GALNT17: variants seen among roughly 807,000 people sequenced by gnomAD.
GALNT17 encodes UDP-GalNAc:polypeptide N-acetylgalactosaminyltransferase-like 3.
A neutral mutation model predicts 63.7 loss-of-function variants in GALNT17; 29 were observed. The ratio of observed to expected loss-of-function variants is 0.46; its 90% CI spans 0.34 to 0.62. The LOEUF is 0.62. Among genes scored for constraint, GALNT17 ranks in the 20% least tolerant of loss-of-function variants. The pLI, the probability that GALNT17 is intolerant of heterozygous loss-of-function variation, is 0.01. For synonymous variants in GALNT17, 305 were observed against 318.3 expected (o/e 0.96, Z 0.45); for missense variants, 603 against 799.6 (o/e 0.75, Z 2.97).
intron 5 of GALNT17, among the ~76,000 whole-genome samples, chr7:71,525,637 T>A (rs1788611519): frequency 6.6e-6 from 1 of 151,800 alleles, no homozygotes; most frequent in Non-Finnish European, 1.5e-5. Flanking sequence ...TCTGTCATAA[T>A]CATGAGGTCT....
intron 3 of GALNT17, among the ~76,000 whole-genome samples, chr7:71,393,632 C>T (rs1308538617): frequency 6.6e-6 from 1 of 151,968 alleles, no homozygotes; most frequent in East Asian, 1.9e-4. Flanking sequence ...TCACTAAGCT[C>T]TGGTCAAGAT....
intron 5 of GALNT17, among the ~76,000 whole-genome samples, chr7:71,468,022 G>A (rs760172859): frequency 2.0e-5 from 3 of 152,030 alleles, no homozygotes; most frequent in Non-Finnish European, 2.9e-5. Flanking sequence ...TTCTTTTCTC[G>A]TTATTTTAAT....
chr7:71,544,448 T>A (rs1003180724), intron 5 of GALNT17, among the ~76,000 whole-genome samples: 2 of 152,050 alleles, frequency 1.3e-5, no homozygotes, highest in African/African-American at 4.8e-5. Context: ...GGCCAAGGCA[T>A]GATTTCACGC....
intron 6 of GALNT17, among the ~76,000 whole-genome samples, chr7:71,612,019 G>A (rs916772869): frequency 1.3e-5 from 2 of 152,202 alleles, no homozygotes; most frequent in Non-Finnish European, 2.9e-5. Flanking sequence ...CTTGGTTGAA[G>A]CAATCGGCAT....
chr7:71,142,376 C>T (rs916491009), intron 1 of GALNT17, among the ~76,000 whole-genome samples: 1 of 152,184 alleles, frequency 6.6e-6, no homozygotes, highest in Admixed American at 6.5e-5. Flanking sequence ...TCTTCCTTCT[C>T]CTGCCATCCC....
intron 5 of GALNT17, among the ~76,000 whole-genome samples, chr7:71,501,727 G>C (rs749601823): frequency 4.6e-5 from 7 of 152,122 alleles, no homozygotes; most frequent in Non-Finnish European, 8.8e-5. Context: ...TCTGGCCATG[G>C]TTAAGGAAAT....
intron 6 of GALNT17, among the ~76,000 whole-genome samples, chr7:71,577,319 C>G (rs190124819): frequency 1.2e-4 from 18 of 152,272 alleles, no homozygotes; most frequent in Admixed American, 1.1e-3. Context: ...GCATCACACA[C>G]AACACCCATG....
Position 71,386,655 on chromosome 7 carries a change from G to C in GALNT17, c.423-1580G>C, listed in dbSNP as rs140630672. ...GCTCTATGCTCTGGAGTCCATACTG[G>C]ATGAGAGGAATTCTTCCCTTTAATC... On this transcript the variant is annotated intron_variant, in intron 2 of 10. Transcript: ENST00000333538. Among the ~76,000 whole-genome samples, 23 of 152,262 alleles carry C rather than the reference G, an allele frequency of 1.5e-4. No individual in the cohort carries two copies. In the East Asian group the frequency reaches 4.3e-3, roughly 28 times the overall value.
At chr7:71,181,248 C>A (rs1031033072) in intron 1 of GALNT17, among the ~76,000 whole-genome samples, 1 of 143,390 alleles carries the variant, frequency 7.0e-6, no homozygotes, top group Non-Finnish European at 1.5e-5. Context: ...GAGCAAGACT[C>A]GTCTTAAAAA....
rs996905277 is a variant in GALNT17 at position 71,613,751 on chromosome 7, C to T, written c.1080+42349C>T. Reference sequence around the variant, plus strand: ...AGAGGATTACTTGAGCCCAGGAGTTCGAGACCAGCTTGGGAAACATAGCGA... The same window carrying T: ...AGAGGATTACTTGAGCCCAGGAGTTTGAGACCAGCTTGGGAAACATAGCGA... On this transcript the variant is annotated intron_variant, in intron 6 of 10. Transcript: ENST00000333538. Among the ~76,000 whole-genome samples the T allele has an allele frequency of 2.7e-5, 4 of 150,626 alleles. No individual in the cohort carries two copies. In the East Asian group the frequency reaches 5.8e-4, roughly 22 times the overall value.
chr7:71,183,214 T>C (rs1195192492), intron 1 of GALNT17, among the ~76,000 whole-genome samples: 3 of 152,124 alleles, frequency 2.0e-5, no homozygotes, highest in Non-Finnish European at 4.4e-5. Flanking sequence ...ACATTCACTG[T>C]CTAGCTGGGC....
At chr7:71,313,394 G>A (rs1352996647) in intron 1 of GALNT17, among the ~76,000 whole-genome samples, 2 of 152,116 alleles carry the variant, frequency 1.3e-5, no homozygotes, top group Non-Finnish European at 2.9e-5. Context: ...CTGAGTGTTG[G>A]CAATGACACT....
At chr7:71,164,719 AG>A (rs1788406525) in intron 1 of GALNT17, among the ~76,000 whole-genome samples, 1 of 152,184 alleles carries the variant, frequency 6.6e-6, no homozygotes, top group Non-Finnish European at 1.5e-5. Context: ...GCATGTGACA[AG>A]GTACTTATTT....
intron 1 of GALNT17, among the ~76,000 whole-genome samples, chr7:71,250,305 A>G (rs1790173431): frequency 6.6e-6 from 1 of 152,212 alleles, no homozygotes; most frequent in African/African-American, 2.4e-5. Context: ...TTAAAAAATA[A>G]TGTATAATTT....
At chr7:71,162,876 A>G (rs1788373770) in intron 1 of GALNT17, among the ~76,000 whole-genome samples, 1 of 152,174 alleles carries the variant, frequency 6.6e-6, no homozygotes, top group Admixed American at 6.5e-5. Context: ...GGAGAGGCTT[A>G]GGAGGGTTTT....
At chr7:71,614,900 G>A (rs1790178299) in intron 6 of GALNT17, among the ~76,000 whole-genome samples, 1 of 137,422 alleles carries the variant, frequency 7.3e-6, no homozygotes, top group Non-Finnish European at 1.6e-5. Flanking sequence ...AGGGAGGGAG[G>A]GAGGGAGGAA....
intron 1 of GALNT17, among the ~76,000 whole-genome samples, chr7:71,179,002 A>G (rs550185919): frequency 9.2e-5 from 14 of 152,226 alleles, no homozygotes; most frequent in African/African-American, 2.2e-4. Context: ...ATTCCTTTCA[A>G]TGGATTTTTA....
intron 1 of GALNT17, among the ~76,000 whole-genome samples, chr7:71,246,117 T>G (rs1319411814): frequency 4.2e-5 from 2 of 48,062 alleles, no homozygotes; most frequent in East Asian, 8.7e-4. Context: ...TTTTCGTTGT[T>G]TTTTTTTTTT....
At position 71,387,431 on chromosome 7, in the gene GALNT17, T is replaced by A. The variant is rs965980754; in HGVS notation, c.423-804T>A. ...GCCTTGACCTCCCGGGCTCAAGTGA[T>A]CCTCCCACCCCAGCCTCCCAAGTAG... On this transcript the variant is annotated intron_variant, in intron 2 of 10. Transcript: ENST00000333538. 9.9e-5 allele frequency among the ~76,000 whole-genome samples: 15 copies of A among 151,768 alleles called. No homozygotes were observed. The East Asian group carries it at 3.0e-3, about 30-fold the overall frequency.
Sources: gnomAD v4.1 joint callset for allele counts (sites outside exome capture counted in the v4.1 genomes callset) on GRCh38, gnomAD v4.1.1 for gene constraint, MANE v1.5 for transcripts, NCBI Gene and HGNC (gene_info 2026-07-23, HGNC 2026-07-21) for gene names.